Variants in RTL1 observed in about 807,000 individuals in gnomAD.
The protein encoded by RTL1 is retrotransposon-like protein 1.
For synonymous variants in RTL1, 727 were observed against 748.4 expected, an observed-to-expected ratio of 0.97 and a Z score of 0.47; for missense variants, 1,681 against 1,767.5, an observed-to-expected ratio of 0.95 and a Z score of 0.88.
At chr14:100,885,637 G>C (rs1217622025) in intron 3 of RTL1, among the ~76,000 whole-genome samples, 1 of 150,444 alleles carries the variant, frequency 6.6e-6, no homozygotes, top group Non-Finnish European at 1.5e-5. Context: ...TTCTCGATTT[G>C]GTCTCCTTCC....
intron 3 of RTL1, among the ~76,000 whole-genome samples, chr14:100,892,164 C>T (rs1431497479): frequency 2.0e-5 from 3 of 152,204 alleles, no homozygotes; most frequent in East Asian, 1.9e-4. Flanking sequence ...GGAACCTGCT[C>T]ATCTCTGGTG....
intron 2 of RTL1, among the ~76,000 whole-genome samples, chr14:100,894,418 G>T (rs946495415): frequency 3.3e-5 from 5 of 152,126 alleles, no homozygotes; most frequent in African/African-American, 1.2e-4. Flanking sequence ...ACCCTGAGCT[G>T]CAACTCCTTT....
chr14:100,895,786 A>T (rs1031408685), intron 2 of RTL1, among the ~76,000 whole-genome samples: 1 of 152,162 alleles, frequency 6.6e-6, no homozygotes, highest in African/African-American at 2.4e-5. Flanking sequence ...AAAATATTTC[A>T]TATTTGCTGG....
At position 100,893,327 on chromosome 14, in the gene RTL1, T is replaced by C. The variant is rs2038808200; in HGVS notation, c.-87+117A>G. On this transcript the variant is annotated intron_variant, in intron 3 of 3. Coordinates refer to ENST00000649591, the MANE Select transcript of RTL1 (RefSeq NM_001134888.3). The surrounding 1 kb of genome is among the most constrained non-coding windows in gnomAD (Gnocchi z 4.2). ...GTCATGGTTTTTTCTTACAGACGAA[T>C]GAACACTTTAACCCTTGTCCTGAGT... Among the ~76,000 whole-genome samples the C allele has an allele frequency of 6.6e-6, 1 of 152,146 alleles. No homozygotes were observed.
intron 3 of RTL1, among the ~76,000 whole-genome samples, chr14:100,891,639 G>T (rs1166834492): frequency 6.6e-6 from 1 of 152,234 alleles, no homozygotes; most frequent in East Asian, 1.9e-4. Flanking sequence ...GAAGGGGCGT[G>T]TGCCGCCTGC....
Position 100,883,136 on chromosome 14 carries a change from C to T in RTL1, c.1653G>A (p.Leu551=). The T allele has an allele frequency of 6.2e-7, 1 of 1,609,414 alleles. No individual in the cohort carries two copies. The highest frequency in any genetic ancestry group is 8.5e-7 in the Non-Finnish European group (1 of 1,177,404). The change falls in exon 4 of 4, where the codon CTG becomes CTA. Residue 551 remains leucine (L), a synonymous_variant. Transcript: ENST00000649591. This position sits in a 1 kb window ranked among gnomAD's most constrained non-coding sequence, Gnocchi z 5.9. ...AGTATGGGTGTGGCAGTCCGGGTAGCAGGCTCATGCCGTGCCTCTCTAGGG... is the reference window on the plus strand; with the variant it reads ...AGTATGGGTGTGGCAGTCCGGGTAGTAGGCTCATGCCGTGCCTCTCTAGGG... ...CIALERHGMS[L]LPGLPHPYSD... is the part of the protein sequence containing the mutation.
chr14:100,883,796 G>C lies in RTL1; in HGVS notation c.993C>G (p.Asn331Lys). ...GGAATAGATAGTGCCTGATCTCCTC[G>C]TTGAGCCCCTGGCACAAGTGGGCCT... ...VLQAHLCQGL[N>K]EEIRHYLFRV... The change falls in exon 4 of 4, where the codon AAC becomes AAG. Residue 331 changes from asparagine to lysine, a missense_variant. Physicochemically the swap from Asn to Lys is moderately conservative, Grantham distance 94. Transcript: ENST00000649591. This position sits in a 1 kb window ranked among gnomAD's most constrained non-coding sequence, Gnocchi z 5.9. The C allele has an allele frequency of 1.3e-6, 2 of 1,551,654 alleles. No homozygotes were observed. Among genetic ancestry groups the C allele is most frequent in the Non-Finnish European group, 8.7e-7 (1 of 1,146,986 alleles).
chr14:100,880,578 A>T lies in RTL1; in HGVS notation c.*134T>A. 6.8e-7 allele frequency: 1 copy of T among 1,462,082 alleles called. No homozygotes were observed. Among genetic ancestry groups the T allele is most frequent in the Non-Finnish European group, 9.0e-7 (1 of 1,107,170 alleles). 90.6% of individuals were successfully genotyped at this position (1,462,082 alleles called of 1,614,324 possible). ...AGTTGAAGAAGTTGTTGCCCTTCACAAGTGGGTTCCTCTTGGGTCAGGAGT... is the reference window on the plus strand; with the variant it reads ...AGTTGAAGAAGTTGTTGCCCTTCACTAGTGGGTTCCTCTTGGGTCAGGAGT... On this transcript the variant is annotated 3_prime_UTR_variant, in exon 4 of 4. Transcript: ENST00000649591.
At chr14:100,902,525 C>G (rs1397066802) in intron 2 of RTL1, among the ~76,000 whole-genome samples, 4 of 152,166 alleles carry the variant, frequency 2.6e-5, no homozygotes, top group Non-Finnish European at 4.4e-5. Flanking sequence ...TTTCCAGTTG[C>G]TAGGGAGAAC....
intron 2 of RTL1, among the ~76,000 whole-genome samples, chr14:100,900,004 AGTGTGCTT>A (rs2038920470): frequency 6.6e-6 from 1 of 152,226 alleles, no homozygotes; most frequent in South Asian, 2.1e-4. Flanking sequence ...CCCAGGGAAA[AGTGTGCTT>A]TCTTGAACAC....
chr14:100,882,934 C>A lies in RTL1; in HGVS notation c.1855G>T (p.Val619Leu), dbSNP rs747089115. 4 of 1,612,172 alleles carry A rather than the reference C, an allele frequency of 2.5e-6. No individual in the cohort carries two copies. The South Asian group carries it at 4.4e-5, about 18-fold the overall frequency. ...ECPSTAPWEP[V>L]GARMQERARL... The stretch of plus-strand genomic sequence containing the variant: ...GCTCTTTCTTGCATCCTGGCACCCA[C>A]AGGTTCCCAAGGCGCGGTGGAGGGA... The change falls in exon 4 of 4, where the codon GTG becomes TTG. Residue 619 changes from valine to leucine, a missense_variant. Val to Leu is a conservative substitution (Grantham distance 32). Transcript: ENST00000649591.
rs6575805 is a variant in RTL1 at position 100,882,680 on chromosome 14, A to G, written c.2109T>C (p.Phe703=). The change falls in exon 4 of 4, where the codon TTT becomes TTC. Residue 703 remains phenylalanine (F), a synonymous_variant. Coordinates refer to ENST00000649591, the MANE Select transcript of RTL1 (RefSeq NM_001134888.3). ...ELEEMKSYQP[F]ALSPDPIIPQ... is the part of the protein sequence containing the mutation. Reference sequence around the variant, plus strand: ...GTATGATAGGGTCTGGGGAGAGCGCAAACGGCTGGTAGCTCTTCATCTCTT... The same window carrying G: ...GTATGATAGGGTCTGGGGAGAGCGCGAACGGCTGGTAGCTCTTCATCTCTT... 0.74 allele frequency: 1,144,073 copies of G among 1,551,690 alleles called. 429,054 individuals are homozygous for G. The highest frequency in any genetic ancestry group is 0.84 in the African/African-American group (61,157 of 73,072).
At chr14:100,897,312 C>T (rs181729001) in intron 2 of RTL1, among the ~76,000 whole-genome samples, 1 of 151,618 alleles carries the variant, frequency 6.6e-6, no homozygotes, top group Non-Finnish European at 1.5e-5. Context: ...AAATTAAATC[C>T]CCCCCACACA....
At position 100,893,817 on chromosome 14, in the gene RTL1, T is replaced by C. The variant is rs7140293; in HGVS notation, c.-148-312A>G. Reference sequence around the variant, plus strand: ...TTTTTCAGAAGAGGAATCCGAGGCCTTGGGACCTACACCCACCCTCACACC... The same window carrying C: ...TTTTTCAGAAGAGGAATCCGAGGCCCTGGGACCTACACCCACCCTCACACC... On this transcript the variant is annotated intron_variant, in intron 2 of 3. Coordinates refer to ENST00000649591, the MANE Select transcript of RTL1 (RefSeq NM_001134888.3). The surrounding 1 kb of genome is among the most constrained non-coding windows in gnomAD (Gnocchi z 4.2). Among the ~76,000 whole-genome samples, 6,369 of 152,208 alleles carry C rather than the reference T, an allele frequency of 0.042. 148 individuals are homozygous for C. Among genetic ancestry groups the C allele is most frequent in the Middle Eastern group, 0.11 (31 of 294 alleles).
Position 100,881,985 on chromosome 14 carries a change from C to T in RTL1, c.2804G>A (p.Cys935Tyr). The stretch of plus-strand genomic sequence containing the variant: ...CTCCTCGGTGTTCTCCAGGTAGCGG[C>T]ACCACACCATGAAGGCAGCCCGTAT... ...LPIRAAFMVW[C>Y]RYLENTEEPI... The change falls in exon 4 of 4, where the codon TGC becomes TAC. Residue 935 changes from cysteine to tyrosine, a missense_variant. Physicochemically the swap from Cys to Tyr is radical, Grantham distance 194. Coordinates refer to ENST00000649591, the MANE Select transcript of RTL1 (RefSeq NM_001134888.3). The surrounding 1 kb of genome is among the most constrained non-coding windows in gnomAD (Gnocchi z 6.6). 9 of 1,613,714 alleles carry T rather than the reference C, an allele frequency of 5.6e-6. No homozygotes were observed. Among genetic ancestry groups the T allele is most frequent in the Non-Finnish European group, 7.6e-6 (9 of 1,179,928 alleles).
chr14:100,898,946 T>C (rs1393196622), intron 2 of RTL1: 1 of 152,286 alleles, frequency 6.6e-6, no homozygotes, highest in African/African-American at 2.4e-5. Flanking sequence ...CCTTCCTTTG[T>C]CCCTTTCTAG....
chr14:100,890,827 GCTGTGGCCTC>G (rs2038765753), intron 3 of RTL1, among the ~76,000 whole-genome samples: 1 of 152,206 alleles, frequency 6.6e-6, no homozygotes, highest in Admixed American at 6.5e-5. Context: ...TGCCTGGCCT[GCTGTGGCCTC>G]CTGTGGATGG....
At chr14:100,886,071 G>T (rs1396449914) in intron 3 of RTL1, among the ~76,000 whole-genome samples, 1 of 152,114 alleles carries the variant, frequency 6.6e-6, no homozygotes, top group African/African-American at 2.4e-5. Context: ...CTTGGTTGGG[G>T]TTATTTGCAC....
intron 3 of RTL1, among the ~76,000 whole-genome samples, chr14:100,889,957 C>T (rs543720022): frequency 8.5e-5 from 13 of 152,072 alleles, no homozygotes; most frequent in East Asian, 3.9e-4. Flanking sequence ...CTCTTCTCTG[C>T]GCTTTGCAGA....
Sources: gnomAD v4.1 joint callset for allele counts (sites outside exome capture counted in the v4.1 genomes callset) on GRCh38, gnomAD v4.1.1 for gene constraint, Gnocchi (gnomAD v3.1) non-coding constraint, MANE v1.5 for transcripts, NCBI Gene and HGNC (gene_info 2026-07-23, HGNC 2026-07-21) for gene names.